MED13L: variants seen among roughly 807,000 people sequenced by gnomAD.
MED13L encodes the protein mediator of RNA polymerase II transcription subunit 13-like.
Under a neutral mutation model 220.9 loss-of-function variants are expected in MED13L, and 7 were observed. That is an observed-to-expected ratio of 0.03 (90% CI 0.02 to 0.06). MED13L has a LOEUF of 0.06. Among genes scored for constraint, MED13L ranks in the 10% least tolerant of loss-of-function variants. The pLI is 1.00. For missense variants in MED13L, 1,965 were observed against 2,760.5 expected (o/e 0.71, Z 6.46); for synonymous variants, 1,011 against 1,015.2 (o/e 1.00, Z 0.08).
chr12:116,067,536 C>T (rs1363479384), intron 4 of MED13L, among the ~76,000 whole-genome samples: 1 of 152,048 alleles, frequency 6.6e-6, no homozygotes, highest in Non-Finnish European at 1.5e-5. Context: ...GCCTCATCTC[C>T]CCTATTACAT....
chr12:115,992,054 T>A (rs1878098532), intron 16 of MED13L, 97 bp from the exon 17 acceptor site: 2 of 1,079,092 alleles, frequency 1.9e-6, no homozygotes, highest in Non-Finnish European at 2.7e-6. Flanking sequence ...GTATTTCTTA[T>A]CATTTGTTTC....
intron 25 of MED13L, among the ~76,000 whole-genome samples, chr12:115,973,476 T>G (rs1224651386): frequency 6.6e-6 from 1 of 152,152 alleles, no homozygotes; most frequent in African/African-American, 2.4e-5. Flanking sequence ...CACACATTCC[T>G]CTCCACTAAG....
chr12:116,089,569 G>C (rs55971373), intron 4 of MED13L, among the ~76,000 whole-genome samples: 5 of 151,978 alleles, frequency 3.3e-5, no homozygotes, highest in African/African-American at 1.2e-4. Context: ...AATCTCAAGA[G>C]TCTTAAATTT....
chr12:116,019,466 G>A, intron 6 of MED13L, 54 bp from the exon 7 acceptor site: 1 of 1,579,066 alleles, frequency 6.3e-7, no homozygotes, highest in Non-Finnish European at 8.7e-7. Context: ...ATTCATACAA[G>A]ACTTCCAATT....
chr12:116,206,271 G>T (rs1044341939), intron 2 of MED13L, among the ~76,000 whole-genome samples: 1 of 151,820 alleles, frequency 6.6e-6, no homozygotes, highest in Non-Finnish European at 1.5e-5. Flanking sequence ...AGTAGAGACG[G>T]TGTTTCACCG....
At chr12:116,104,034 G>A (rs1453125522) in intron 3 of MED13L, among the ~76,000 whole-genome samples, 1 of 109,332 alleles carries the variant, frequency 9.1e-6, no homozygotes, top group Non-Finnish European at 1.9e-5. Context: ...TTTTGAGACG[G>A]AGTTTCACTC....
At chr12:116,276,306 TTTTGTG>T (rs1163576319) in intron 1 of MED13L, 9 of 304,280 alleles carry the variant, frequency 3.0e-5, no homozygotes, top group African/African-American at 1.9e-4. Flanking sequence ...AGCTTGTTGC[TTTTGTG>T]TGTGTGTGTG....
At chr12:116,148,946 T>C (rs997645035) in intron 2 of MED13L, among the ~76,000 whole-genome samples, 2 of 152,196 alleles carry the variant, frequency 1.3e-5, no homozygotes, top group African/African-American at 2.4e-5. Context: ...TCACTAAAAA[T>C]AGTCTAATGA....
At chr12:116,077,971 G>A (rs1003277803) in intron 4 of MED13L, among the ~76,000 whole-genome samples, 2 of 151,710 alleles carry the variant, frequency 1.3e-5, no homozygotes, top group Non-Finnish European at 2.9e-5. Flanking sequence ...TGGCCAAGAT[G>A]GTCTCTACTA....
intron 2 of MED13L, among the ~76,000 whole-genome samples, chr12:116,230,233 C>CA (rs148337042): frequency 1.3e-5 from 2 of 151,164 alleles, no homozygotes; most frequent in African/African-American, 4.9e-5. Flanking sequence ...CAGCCCTACT[C>CA]AAAAAAAATA....
At chr12:116,034,897 C>T (rs1364172506) in intron 4 of MED13L, among the ~76,000 whole-genome samples, 2 of 152,028 alleles carry the variant, frequency 1.3e-5, no homozygotes, top group African/African-American at 4.8e-5. Flanking sequence ...CCCAGATACT[C>T]GGGAGGCTGA....
intron 4 of MED13L, among the ~76,000 whole-genome samples, chr12:116,060,446 C>T (rs1183288013): frequency 6.6e-6 from 1 of 151,392 alleles, no homozygotes; most frequent in Admixed American, 6.6e-5. Context: ...GGCACTGTGG[C>T]GGGTGCCTGT....
intron 3 of MED13L, among the ~76,000 whole-genome samples, chr12:116,101,634 G>C (rs184578767): frequency 3.9e-5 from 6 of 152,270 alleles, no homozygotes; most frequent in African/African-American, 7.2e-5. Context: ...AAAATGTTTA[G>C]TATGACCAGC....
At chr12:116,093,106 CAA>C (rs747390058) in intron 4 of MED13L, among the ~76,000 whole-genome samples, 5 of 152,176 alleles carry the variant, frequency 3.3e-5, no homozygotes, top group East Asian at 1.9e-4. Flanking sequence ...AATGCCTTCC[CAA>C]GAGAGAGAAC....
chr12:116,157,707 T>C (rs17426676), intron 2 of MED13L, among the ~76,000 whole-genome samples: 22,875 of 152,286 alleles, frequency 0.15, 1,956 homozygotes, highest in Middle Eastern at 0.22. Context: ...CCACAATATT[T>C]AGTCTTATAA....
chr12:116,225,219 A>C (rs1251492307), intron 2 of MED13L, among the ~76,000 whole-genome samples: 1 of 152,204 alleles, frequency 6.6e-6, no homozygotes, highest in Non-Finnish European at 1.5e-5. Context: ...ATTGGGACTA[A>C]TCACTGATAT....
At position 116,237,665 on chromosome 12, in the gene MED13L, C is replaced by T; in HGVS notation, c.113G>A (p.Gly38Glu). 1 of 1,614,168 alleles carries T rather than the reference C, an allele frequency of 6.2e-7. No homozygotes were observed. Among genetic ancestry groups the T allele is most frequent in the South Asian group, 1.1e-5 (1 of 91,078 alleles). Residue 38 changes from glycine (G) to glutamate (E), a missense_variant, in exon 2 of 31, where the codon GGA (glycine) becomes GAA (glutamate). By Grantham distance (98) the Gly-to-Glu change is moderately conservative. Around this residue, in one of 10 missense-constraint regions of MED13L, gnomAD observed 818 missense variants for 1,041.2 expected, o/e 0.79. Coordinates refer to ENST00000281928, the MANE Select transcript of MED13L (RefSeq NM_015335.5). Reference sequence around the variant, plus strand: ...TATGGGTCCACAGTCCCCATGCCCTCCAAAATTGTACCTACGCCATTTGAT... The same window carrying T: ...TATGGGTCCACAGTCCCCATGCCCTTCAAAATTGTACCTACGCCATTTGAT... ...TGIKWRRYNFGGHGDCGPIIS... is the reference protein window; with the variant it reads ...TGIKWRRYNFEGHGDCGPIIS...
intron 3 of MED13L, among the ~76,000 whole-genome samples, chr12:116,107,460 T>A (rs1447564813): frequency 1.3e-5 from 2 of 152,224 alleles, no homozygotes; most frequent in Non-Finnish European, 2.9e-5. Flanking sequence ...TCAATAGCAA[T>A]GACAAATGAA....
At chr12:116,148,986 T>C (rs1877811442) in intron 2 of MED13L, among the ~76,000 whole-genome samples, 1 of 152,200 alleles carries the variant, frequency 6.6e-6, no homozygotes, top group Admixed American at 6.5e-5. Context: ...TTGTCCCACC[T>C]ATTTGTTCAG....
Sources: allele counts gnomAD v4.1 joint callset (sites outside exome capture counted in the v4.1 genomes callset), GRCh38; gene constraint gnomAD v4.1.1; regional missense constraint gnomAD v4.1.1; transcripts MANE v1.5; gene names NCBI Gene and HGNC (gene_info 2026-07-23, HGNC 2026-07-21).